Variants in JMY observed in about 807,000 individuals in gnomAD.
JMY encodes the protein junction-mediating and -regulatory protein.
In JMY, 46 loss-of-function variants were observed where a neutral mutation model predicts 103.3. That is an observed-to-expected ratio of 0.45 (90% CI 0.35 to 0.57). The LOEUF is 0.57. Ranked by LOEUF, JMY falls within the 20% of genes least tolerant of loss-of-function variation. The pLI is 0.00. For synonymous variants in JMY, 526 were observed against 489.3 expected (o/e 1.07, Z -0.99); for missense variants, 1,238 against 1,255.2 (o/e 0.99, Z 0.21).
At chr5:79,241,478 T>G (rs1393174012) in intron 1 of JMY, among the ~76,000 whole-genome samples, 1 of 152,200 alleles carries the variant, frequency 6.6e-6, no homozygotes, top group Non-Finnish European at 1.5e-5. Flanking sequence ...GAAATTTTCT[T>G]TTAGTACTTC....
intron 7 of JMY, among the ~76,000 whole-genome samples, chr5:79,311,354 T>C (rs1226931280): frequency 1.3e-5 from 2 of 152,184 alleles, no homozygotes; most frequent in Non-Finnish European, 2.9e-5. Context: ...TGTTAGAGTT[T>C]ATGATACAAT....
chr5:79,271,847 C>T (rs1424594238), intron 1 of JMY, among the ~76,000 whole-genome samples: 1 of 152,144 alleles, frequency 6.6e-6, no homozygotes, highest in African/African-American at 2.4e-5. Context: ...GTGGCTCACG[C>T]CTGTAATCCT....
intron 6 of JMY, among the ~76,000 whole-genome samples, chr5:79,305,039 G>C (rs985431263): frequency 6.6e-5 from 10 of 152,174 alleles, no homozygotes; most frequent in Admixed American, 6.5e-4. Flanking sequence ...ATAGATTCTT[G>C]ATAGGCAATA....
intron 1 of JMY, among the ~76,000 whole-genome samples, chr5:79,257,855 T>G (rs1409760798): frequency 2.6e-5 from 4 of 152,088 alleles, no homozygotes; most frequent in African/African-American, 9.7e-5. Context: ...TTCTGCCTCC[T>G]GTGTTCAAGC....
chr5:79,265,785 T>C (rs1745570071), intron 1 of JMY, among the ~76,000 whole-genome samples: 1 of 150,278 alleles, frequency 6.7e-6, no homozygotes, highest in Non-Finnish European at 1.5e-5. Flanking sequence ...TGATTCTTTT[T>C]TTTTTTTTTT....
intron 2 of JMY, among the ~76,000 whole-genome samples, chr5:79,281,983 A>C (rs1336055563): frequency 1.3e-5 from 2 of 152,146 alleles, no homozygotes; most frequent in African/African-American, 4.8e-5. Context: ...AGGCGGGCGG[A>C]TCACAAGGTC....
At chr5:79,313,190 G>A (rs1747104056) in intron 8 of JMY, among the ~76,000 whole-genome samples, 1 of 152,198 alleles carries the variant, frequency 6.6e-6, no homozygotes, top group Non-Finnish European at 1.5e-5. Context: ...CACTTTATGA[G>A]GCTGAGGCAG....
chr5:79,261,577 T>C (rs1236772826), intron 1 of JMY, among the ~76,000 whole-genome samples: 1 of 151,978 alleles, frequency 6.6e-6, no homozygotes, highest in Admixed American at 6.6e-5. Flanking sequence ...AAGTGCAGAT[T>C]CACTGGGCCA....
rs554549495 is a variant in JMY at position 79,297,538 on chromosome 5, T to G, written c.1528-2615T>G. 2.0e-5 allele frequency among the ~76,000 whole-genome samples: 3 copies of G among 152,314 alleles called. No homozygotes were observed. The South Asian group carries it at 6.2e-4, about 32-fold the overall frequency. On this transcript the variant is annotated intron_variant, in intron 4 of 10. Coordinates refer to ENST00000396137, the MANE Select transcript of JMY (RefSeq NM_152405.5). ...TGCCCGCTCCATACCTCTTCATGCCTTATACTAAGGATTTTGCCTCCACAT... is the reference window on the plus strand; with the variant it reads ...TGCCCGCTCCATACCTCTTCATGCCGTATACTAAGGATTTTGCCTCCACAT...
At chr5:79,307,298 T>C (rs1230249992) in intron 7 of JMY, among the ~76,000 whole-genome samples, 1 of 152,190 alleles carries the variant, frequency 6.6e-6, no homozygotes, top group Non-Finnish European at 1.5e-5. Context: ...GGTAAGAGTG[T>C]ATTTAGTTTT....
chr5:79,306,485 G>T, intron 7 of JMY, 24 bp downstream of exon 7: 1 of 1,518,030 alleles, frequency 6.6e-7, no homozygotes, highest in South Asian at 1.2e-5. Flanking sequence ...CGAAGATTTT[G>T]AACAAAACTT....
chr5:79,273,985 C>T (rs1395207187), intron 1 of JMY, among the ~76,000 whole-genome samples: 10 of 152,084 alleles, frequency 6.6e-5, no homozygotes, highest in Non-Finnish European at 1.3e-4. Flanking sequence ...TGCCCGCCAC[C>T]ATGCCTGGCT....
intron 1 of JMY, among the ~76,000 whole-genome samples, chr5:79,263,271 G>A (rs971640786): frequency 1.3e-5 from 2 of 152,206 alleles, no homozygotes; most frequent in African/African-American, 4.8e-5. Context: ...TGACCTAAAA[G>A]GAAGAGGCTG....
chr5:79,269,718 G>A (rs1222632889), intron 1 of JMY, among the ~76,000 whole-genome samples: 1 of 151,806 alleles, frequency 6.6e-6, no homozygotes, highest in Non-Finnish European at 1.5e-5. Flanking sequence ...TGAAATTAAT[G>A]TATTTTATTT....
At chr5:79,299,116 C>T (rs1746655104) in intron 4 of JMY, among the ~76,000 whole-genome samples, 1 of 152,180 alleles carries the variant, frequency 6.6e-6, no homozygotes, top group African/African-American at 2.4e-5. Context: ...GAAGGTCACT[C>T]CTTGGGAAGC....
chr5:79,298,129 C>T (rs1425872535), intron 4 of JMY, among the ~76,000 whole-genome samples: 8 of 152,106 alleles, frequency 5.3e-5, no homozygotes, highest in East Asian at 1.9e-4. Context: ...CTTAGCAGAG[C>T]ATCATGAACG....
At chr5:79,258,604 G>A (rs957349677) in intron 1 of JMY, among the ~76,000 whole-genome samples, 10 of 152,138 alleles carry the variant, frequency 6.6e-5, no homozygotes, top group Non-Finnish European at 1.2e-4. Flanking sequence ...GCACTCTGGC[G>A]GTGGTGGGGC....
intron 1 of JMY, among the ~76,000 whole-genome samples, chr5:79,267,429 C>T (rs1745616519): frequency 6.6e-6 from 1 of 152,038 alleles, no homozygotes; most frequent in South Asian, 2.1e-4. Flanking sequence ...AACCAGTGGT[C>T]TTTTTACTCT....
rs1747648771 is a variant in JMY at position 79,326,422 on chromosome 5, A to G, written c.*4820A>G. 6.6e-6 allele frequency: 1 copy of G among 151,982 alleles called. No homozygotes were observed. The highest frequency in any genetic ancestry group is 2.4e-5 in the African/African-American group (1 of 41,358). The allele number at this position is 151,982 out of a possible 1,614,324, so 9.4% of individuals were successfully genotyped here. A position where few individuals can be genotyped will look rare whatever the true frequency, so the allele number is the denominator to read the frequency against. On this transcript the variant is annotated 3_prime_UTR_variant, in exon 11 of 11. Coordinates refer to ENST00000396137, the MANE Select transcript of JMY (RefSeq NM_152405.5). Reference sequence around the variant, plus strand: ...AATTATTCCAGCTTTTCCCAATACTAATTATATTGGTTTTAAAAAGTCTGC... The same window carrying G: ...AATTATTCCAGCTTTTCCCAATACTGATTATATTGGTTTTAAAAAGTCTGC...
Sources: gnomAD v4.1 joint callset for allele counts (sites outside exome capture counted in the v4.1 genomes callset) on GRCh38, gnomAD v4.1.1 for gene constraint, MANE v1.5 for transcripts, NCBI Gene and HGNC (gene_info 2026-07-23, HGNC 2026-07-21) for gene names.